STARD13: variants seen among roughly 807,000 people sequenced by gnomAD.
STARD13 encodes the protein StAR related lipid transfer domain containing 13.
STARD13 carries 62 observed loss-of-function variants against 106.4 expected under a neutral mutation model. That is an observed-to-expected ratio of 0.58 (90% confidence interval 0.48 to 0.72). The LOEUF (loss-of-function observed/expected upper bound fraction) is 0.72, where lower values mean the gene tolerates loss of function less well. Among genes scored for constraint, STARD13 ranks in the 30% least tolerant of loss-of-function variants. The pLI is 0.00. For missense variants in STARD13, 1,387 were observed against 1,424.0 expected (o/e 0.97, Z 0.42); for synonymous variants, 565 against 553.0 (o/e 1.02, Z -0.31).
chr13:33,538,635 A>ATT, the STARD13 span, among the ~76,000 whole-genome samples: 59 of 146,944 alleles, frequency 4.0e-4, no homozygotes, highest in African/African-American at 1.4e-3. Context: ...AGAGCCCAGT[A>ATT]TTTTTTTTTT....
intron 1 of STARD13, among the ~76,000 whole-genome samples, chr13:33,331,828 T>C (rs1244393373): frequency 6.6e-6 from 1 of 151,048 alleles, no homozygotes; most frequent in Non-Finnish European, 1.5e-5. Flanking sequence ...TGTAGCTAAT[T>C]TCTCCCATTT....
chr13:33,647,660 T>C, the STARD13 span, among the ~76,000 whole-genome samples: 5 of 152,256 alleles, frequency 3.3e-5, no homozygotes. Context: ...ATCTAGGTTG[T>C]TGAATCCCTG....
chr13:33,625,941 C>T, the STARD13 span, among the ~76,000 whole-genome samples: 2 of 152,166 alleles, frequency 1.3e-5, no homozygotes, highest in Admixed American at 6.6e-5. Flanking sequence ...ACCTCGTGAT[C>T]CGTGTGCCTT....
the STARD13 span, among the ~76,000 whole-genome samples, chr13:33,440,233 C>T: frequency 4.0e-5 from 6 of 148,606 alleles, no homozygotes; most frequent in South Asian, 2.1e-4. Context: ...GAACCGTGAT[C>T]GTGTCACTGC....
intron 1 of STARD13, among the ~76,000 whole-genome samples, chr13:33,236,391 T>A (rs1183213510): frequency 6.6e-6 from 1 of 152,220 alleles, no homozygotes; most frequent in South Asian, 2.1e-4. Context: ...TTCCCTGGGT[T>A]CGGTGGAAAC....
the STARD13 span, among the ~76,000 whole-genome samples, chr13:33,568,060 A>G: frequency 6.7e-6 from 1 of 148,172 alleles, no homozygotes; most frequent in African/African-American, 2.5e-5. Context: ...TTAATAGTCA[A>G]TATATTTTAA....
chr13:33,107,084 T>C, intron 12 of STARD13, 150 bp from the exon 13 acceptor site: 1 of 684,758 alleles, frequency 1.5e-6, no homozygotes, highest in Non-Finnish European at 2.4e-6. Flanking sequence ...ATGGCTTTCA[T>C]AAGCTTGTGT....
chr13:33,432,342 A>C, the STARD13 span, among the ~76,000 whole-genome samples: 1 of 152,176 alleles, frequency 6.6e-6, no homozygotes, highest in Non-Finnish European at 1.5e-5. Flanking sequence ...TTTAATAATT[A>C]GTTTCTAGAA....
At chr13:33,534,210 T>G in the STARD13 span, among the ~76,000 whole-genome samples, 1 of 152,224 alleles carries the variant, frequency 6.6e-6, no homozygotes, top group Non-Finnish European at 1.5e-5. Context: ...ATGTCTATTT[T>G]ATGTCCTAGA....
In STARD13 at chr13:33,343,594, A is replaced by AC. The variant is rs1278034756; in HGVS notation, c.124+6695_124+6696insG. Among the ~76,000 whole-genome samples the AC allele has an allele frequency of 1.2e-3, 110 of 93,306 alleles. 3 individuals are homozygous for AC. Among genetic ancestry groups the AC allele is most frequent in the African/African-American group, 4.8e-3 (103 of 21,628 alleles). The allele number at this position is 93,306 out of a possible 152,430, so 61.2% of individuals were successfully genotyped here. A position where few individuals can be genotyped will look rare whatever the true frequency, so the allele number is the denominator to read the frequency against. The stretch of plus-strand genomic sequence containing the variant: ...CCCTGTCTTAAAAAAAAAAAAAAAA[A>AC]AAACAAATCTACAAATCTAGTAGTC... On this transcript the variant is annotated intron_variant, in intron 1 of 5. Coordinates refer to the STARD13 transcript ENST00000567873.
Position 33,103,486 on chromosome 13 carries a change from A to G in STARD13, c.*2107T>C, listed in dbSNP as rs891144040. The G allele has an allele frequency of 6.6e-6, 1 of 152,618 alleles. No homozygotes were observed. The highest frequency in any genetic ancestry group is 6.5e-5 in the Admixed American group (1 of 15,286). The allele number at this position is 152,618 out of a possible 1,614,324, so 9.5% of individuals were successfully genotyped here. A position where few individuals can be genotyped will look rare whatever the true frequency, so the allele number is the denominator to read the frequency against. ...GAGGGAGAATCAGAAATACAATCAC[A>G]TTTGTTCTTATTCTGTTTTAGGGAT... On this transcript the variant is annotated 3_prime_UTR_variant, in exon 14 of 14. Transcript: ENST00000336934.
At chr13:33,405,737 T>A in the STARD13 span, among the ~76,000 whole-genome samples, 15,982 of 152,222 alleles carry the variant, frequency 0.1, 1,797 homozygotes, top group East Asian at 0.3. Flanking sequence ...CCCAGCAAGG[T>A]TGGTAAACAG....
chr13:33,486,397 T>C, the STARD13 span, among the ~76,000 whole-genome samples: 1 of 152,198 alleles, frequency 6.6e-6, no homozygotes, highest in African/African-American at 2.4e-5. Context: ...TTTTCCTATA[T>C]GTACCTACCT....
intron 1 of STARD13, among the ~76,000 whole-genome samples, chr13:33,173,570 TAA>T (rs142429405): frequency 0.019 from 2,875 of 152,316 alleles, 98 homozygotes; most frequent in African/African-American, 0.066. Context: ...AATTATATGT[TAA>T]GTTATTTTGA....
intron 1 of STARD13, among the ~76,000 whole-genome samples, chr13:33,264,721 G>A (rs1219710607): frequency 6.6e-6 from 1 of 152,186 alleles, no homozygotes; most frequent in Non-Finnish European, 1.5e-5. Context: ...TACTGGGTCA[G>A]GAGCAGCCTA....
At chr13:33,266,607 C>T (rs1249002678) in intron 1 of STARD13, among the ~76,000 whole-genome samples, 1 of 152,118 alleles carries the variant, frequency 6.6e-6, no homozygotes, top group African/African-American at 2.4e-5. Flanking sequence ...TTCTGTTGCC[C>T]TGCTTAGGAC....
chr13:33,147,707 T>G (rs1353651426), intron 3 of STARD13, among the ~76,000 whole-genome samples: 1 of 152,042 alleles, frequency 6.6e-6, no homozygotes, highest in African/African-American at 2.4e-5. Flanking sequence ...ACCAAAACAG[T>G]GGATATCAGC....
the STARD13 span, among the ~76,000 whole-genome samples, chr13:33,580,189 A>G: frequency 1.3e-5 from 2 of 152,150 alleles, no homozygotes; most frequent in Admixed American, 6.5e-5. Context: ...GAATTAATAA[A>G]CTATGGTAAA....
upstream of STARD13, among the ~76,000 whole-genome samples, chr13:33,353,870 A>G (rs933162574): frequency 3.3e-5 from 5 of 152,210 alleles, no homozygotes; most frequent in South Asian, 8.3e-4. Flanking sequence ...TGTGAGCTCC[A>G]TAAGAGCTGA....
Sources: gnomAD v4.1 joint callset for allele counts (sites outside exome capture counted in the v4.1 genomes callset) on GRCh38, gnomAD v4.1.1 for gene constraint, MANE v1.5 for transcripts, NCBI Gene and HGNC (gene_info 2026-07-23, HGNC 2026-07-21) for gene names.